The following FARS2 variants were observed in gnomAD, a reference collection of about 807,000 sequenced individuals.
FARS2 encodes phenylalanyl-tRNA synthetase 2, mitochondrial, also known as phenylalanine--tRNA ligase, mitochondrial.
A neutral mutation model predicts 46.4 loss-of-function variants in FARS2; 40 were observed. The ratio of observed to expected loss-of-function variants is 0.86; its 90% confidence interval spans 0.67 to 1.12. The LOEUF (loss-of-function observed/expected upper bound fraction) is 1.12, where lower values mean the gene tolerates loss of function less well. FARS2 is among the 50% of genes most tolerant of loss of function. The pLI is 0.00. For synonymous variants in FARS2, 234 were observed against 214.9 expected, an observed-to-expected ratio of 1.09 and a Z score of -0.78; for missense variants, 513 against 567.9, an observed-to-expected ratio of 0.90 and a Z score of 0.98.
chr6:5,332,848 A>G (rs959055644), intron 1 of FARS2, among the ~76,000 whole-genome samples: 3 of 152,224 alleles, frequency 2.0e-5, no homozygotes, highest in African/African-American at 7.2e-5. Flanking sequence ...CAAGACAAGG[A>G]TGAACCGCAT....
intron 1 of FARS2, among the ~76,000 whole-genome samples, chr6:5,356,786 C>T (rs1172882368): frequency 3.3e-5 from 5 of 152,260 alleles, no homozygotes; most frequent in African/African-American, 7.2e-5. Flanking sequence ...GCTAATTTAG[C>T]GGTCATAGCA....
rs536206766 is a variant in FARS2 at position 5,739,702 on chromosome 6, G to A, written c.1218-31589G>A. ...TAATCTTCCTTCTAAACCTTCTTCT[G>A]TAGTCCTTGCTTTGAATCCAGGAGG... On this transcript the variant is annotated intron_variant, in intron 6 of 6. Transcript: ENST00000274680. Among the ~76,000 whole-genome samples, 13 of 152,290 alleles carry A rather than the reference G, an allele frequency of 8.5e-5. No individual in the cohort carries two copies. The South Asian group carries it at 2.5e-3, about 29-fold the overall frequency.
At chr6:5,259,668 C>T (rs1247251010), upstream of FARS2, among the ~76,000 whole-genome samples, 2 of 152,194 alleles carry the variant, frequency 1.3e-5, no homozygotes, top group Non-Finnish European at 2.9e-5. Flanking sequence ...GTAGGCTCTG[C>T]TCTTATGACA....
At chr6:5,417,931 A>G (rs565155863) in intron 3 of FARS2, among the ~76,000 whole-genome samples, 29 of 151,184 alleles carry the variant, frequency 1.9e-4, no homozygotes, top group African/African-American at 6.6e-4. Context: ...TTTTCCTTCT[A>G]TATTGCATTT....
intron 3 of FARS2, among the ~76,000 whole-genome samples, chr6:5,426,868 T>C (rs1762885129): frequency 6.6e-6 from 1 of 152,190 alleles, no homozygotes; most frequent in Non-Finnish European, 1.5e-5. Flanking sequence ...TTAACTAATC[T>C]GTCCGCCTCA....
At chr6:5,485,384 C>T (rs1247298152) in intron 4 of FARS2, among the ~76,000 whole-genome samples, 1 of 152,032 alleles carries the variant, frequency 6.6e-6, no homozygotes, top group Admixed American at 6.5e-5. Context: ...GCATTTTTTG[C>T]CTTCTCTTAG....
chr6:5,352,357 T>C (rs1385578255), intron 1 of FARS2, among the ~76,000 whole-genome samples: 2 of 151,938 alleles, frequency 1.3e-5, no homozygotes, highest in Admixed American at 6.6e-5. Flanking sequence ...AAGATGAGCA[T>C]TGATTTTTTT....
intron 5 of FARS2, among the ~76,000 whole-genome samples, chr6:5,556,314 A>G (rs771245638): frequency 6.6e-6 from 1 of 152,098 alleles, no homozygotes; most frequent in Non-Finnish European, 1.5e-5. Flanking sequence ...GAAATTGAGT[A>G]TAGAAATCAG....
chr6:5,525,227 A>G (rs1026863108), intron 4 of FARS2, among the ~76,000 whole-genome samples: 4 of 127,824 alleles, frequency 3.1e-5, no homozygotes, highest in Admixed American at 8.5e-5. Context: ...TTCTATGTTG[A>G]TAGAAAGAAA....
intron 4 of FARS2, among the ~76,000 whole-genome samples, chr6:5,518,421 C>T (rs758155876): frequency 6.6e-6 from 1 of 152,082 alleles, no homozygotes; most frequent in African/African-American, 2.4e-5. Flanking sequence ...AAAGAAGTTA[C>T]TGTAGATGAA....
At chr6:5,426,122 G>A (rs1041292329) in intron 3 of FARS2, among the ~76,000 whole-genome samples, 3 of 151,892 alleles carry the variant, frequency 2.0e-5, no homozygotes, top group Admixed American at 6.6e-5. Context: ...TTCTGAAGCC[G>A]TTAAAAAAGC....
At chr6:5,374,150 T>C (rs1468415972) in intron 2 of FARS2, among the ~76,000 whole-genome samples, 1 of 152,126 alleles carries the variant, frequency 6.6e-6, no homozygotes, top group Non-Finnish European at 1.5e-5. Context: ...GAGATGGATG[T>C]AAGAGGATTA....
At chr6:5,478,695 T>C (rs998037354) in intron 4 of FARS2, among the ~76,000 whole-genome samples, 1 of 152,188 alleles carries the variant, frequency 6.6e-6, no homozygotes, top group Non-Finnish European at 1.5e-5. Flanking sequence ...ACCATTAAAA[T>C]GGTGGTTCGT....
At chr6:5,708,649 A>T (rs945338573) in intron 6 of FARS2, among the ~76,000 whole-genome samples, 1 of 151,040 alleles carries the variant, frequency 6.6e-6, no homozygotes, top group African/African-American at 2.4e-5. Flanking sequence ...CTACACCCCC[A>T]CACACCCTTC....
intron 1 of FARS2, among the ~76,000 whole-genome samples, chr6:5,282,718 G>A (rs953135936): frequency 2.0e-5 from 3 of 152,204 alleles, no homozygotes; most frequent in South Asian, 4.1e-4. Flanking sequence ...CAGGAATGGT[G>A]CCTAGCGTCA....
Position 5,474,667 on chromosome 6 carries a change from T to TTTTG in FARS2, c.904+43498_904+43499insGTTT, listed in dbSNP as rs567981632. On this transcript the variant is annotated intron_variant, in intron 4 of 6. Transcript: ENST00000274680. ...GTACAATAAAAATACAGTACTGTTT[T>TTTTG]TTTTTTTTTTTTTGAGACAGTCTCA... 4.7e-3 allele frequency among the ~76,000 whole-genome samples: 704 copies of TTTTG among 149,874 alleles called. 31 individuals carry two copies. In the East Asian group the frequency reaches 0.067, roughly 14 times the overall value.
intron 1 of FARS2, among the ~76,000 whole-genome samples, chr6:5,332,797 G>A (rs368898034): frequency 3.9e-5 from 6 of 152,172 alleles, no homozygotes; most frequent in Admixed American, 2.0e-4. Context: ...ATATGTGCAG[G>A]ACACATAGGG....
At chr6:5,550,938 A>G (rs996166280) in intron 5 of FARS2, among the ~76,000 whole-genome samples, 3 of 152,240 alleles carry the variant, frequency 2.0e-5, no homozygotes, top group African/African-American at 7.2e-5. Flanking sequence ...CTTCTGAGGC[A>G]TTAACAAAGG....
chr6:5,426,017 G>A (rs1257983977), intron 3 of FARS2, among the ~76,000 whole-genome samples: 1 of 151,918 alleles, frequency 6.6e-6, no homozygotes, highest in African/African-American at 2.4e-5. Flanking sequence ...CTTGAACCCA[G>A]GTGTGGTTTT....
Sources: gnomAD v4.1 joint callset for allele counts (sites outside exome capture counted in the v4.1 genomes callset) on GRCh38, gnomAD v4.1.1 for gene constraint, MANE v1.5 for transcripts, NCBI Gene and HGNC (gene_info 2026-07-23, HGNC 2026-07-21) for gene names.